The following PCDHGA2 variants were observed in gnomAD, a reference collection of about 807,000 sequenced individuals.
The protein encoded by PCDHGA2 is protocadherin gamma-A2.
A neutral mutation model predicts 59.2 loss-of-function variants in PCDHGA2; 40 were observed. The observed-to-expected ratio is 0.68, with a 90% CI of 0.52 to 0.88. The LOEUF (loss-of-function observed/expected upper bound fraction) is 0.88. PCDHGA2 is among the 40% of genes least tolerant of loss of function. The pLI, the probability that PCDHGA2 is intolerant of heterozygous loss-of-function variation, is 0.00. For synonymous variants in PCDHGA2, 560 were observed against 526.0 expected (o/e 1.06, Z -0.89); for missense variants, 1,226 against 1,204.0 (o/e 1.02, Z -0.27).
chr5:141,506,165 C>T (rs1359711670), intron 3 of PCDHGA2, among the ~76,000 whole-genome samples: 8 of 152,038 alleles, frequency 5.3e-5, no homozygotes, highest in South Asian at 2.1e-4. Context: ...AAGAGCACAG[C>T]CTAAGCTGGG....
At chr5:141,387,533 C>A (rs2090979640) in intron 1 of PCDHGA2, among the ~76,000 whole-genome samples, 1 of 152,192 alleles carries the variant, frequency 6.6e-6, no homozygotes, top group African/African-American at 2.4e-5. Flanking sequence ...GACGTATCCA[C>A]GTAGTTTTTG....
chr5:141,474,597 T>C (rs1454833258), intron 1 of PCDHGA2, among the ~76,000 whole-genome samples: 2 of 152,248 alleles, frequency 1.3e-5, no homozygotes, highest in Non-Finnish European at 2.9e-5. Flanking sequence ...CATGGAAATA[T>C]AGGTCACATA....
intron 1 of PCDHGA2, chr5:141,398,353 A>G: frequency 2.9e-6 from 4 of 1,397,978 alleles, no homozygotes; most frequent in Non-Finnish European, 4.0e-6. Flanking sequence ...GCCTTACTTC[A>G]CCGTGAGCGC....
In PCDHGA2 at chr5:141,481,399, T is replaced by G. The variant is rs35677249; in HGVS notation, c.2425-13408T>G. 1.9e-3 allele frequency among the ~76,000 whole-genome samples: 284 copies of G among 152,356 alleles called. 1 individual carries two copies. Among genetic ancestry groups the G allele is most frequent in the Middle Eastern group, 0.01 (3 of 294 alleles). ...TTCTTTTTGGAGGGATGTGACAAAA[T>G]TCTTGTATAATTAGATTGTGATGAT... is the stretch of plus-strand genomic sequence containing the variant. On this transcript the variant is annotated intron_variant, in intron 1 of 3. Transcript: ENST00000394576.
chr5:141,510,323 C>A (rs1173679711), intron 3 of PCDHGA2, among the ~76,000 whole-genome samples: 1 of 151,234 alleles, frequency 6.6e-6, no homozygotes, highest in East Asian at 2.0e-4. Flanking sequence ...TGGAAGAGCA[C>A]TCTTCACCCC....
intron 2 of PCDHGA2, among the ~76,000 whole-genome samples, chr5:141,496,557 C>T (rs190275684): frequency 2.0e-5 from 3 of 152,258 alleles, no homozygotes; most frequent in Admixed American, 1.3e-4. Flanking sequence ...TGGGCATGCA[C>T]AGTCCTGTCA....
At chr5:141,484,176 A>G (rs1044076131) in intron 1 of PCDHGA2, among the ~76,000 whole-genome samples, 1 of 152,236 alleles carries the variant, frequency 6.6e-6, no homozygotes, top group East Asian at 1.9e-4. Context: ...GCTGATCTCA[A>G]TCATTCAAGG....
chr5:141,440,393 G>A (rs1444541990), intron 1 of PCDHGA2: 1 of 152,180 alleles, frequency 6.6e-6, no homozygotes, highest in Admixed American at 6.5e-5. Flanking sequence ...TTGAACCCGA[G>A]AGGCAATCGC....
At chr5:141,425,110 C>T (rs1335909720) in intron 1 of PCDHGA2, among the ~76,000 whole-genome samples, 1 of 152,166 alleles carries the variant, frequency 6.6e-6, no homozygotes, top group East Asian at 1.9e-4. Context: ...CAGATGCCTA[C>T]ATTTTTCTTG....
intron 1 of PCDHGA2, chr5:141,414,350 C>T (rs1450829111): frequency 1.9e-6 from 3 of 1,613,726 alleles, no homozygotes; most frequent in Admixed American, 1.7e-5. Flanking sequence ...TCCATTTTGG[C>T]GTATCTACCA....
intron 1 of PCDHGA2, chr5:141,379,314 G>T (rs557036464): frequency 6.6e-6 from 1 of 152,242 alleles, no homozygotes; most frequent in South Asian, 2.1e-4. Context: ...CTAAACAAGA[G>T]ATCTAATCAT....
intron 1 of PCDHGA2, among the ~76,000 whole-genome samples, chr5:141,442,700 TA>T (rs2098337605): frequency 6.6e-6 from 1 of 152,198 alleles, no homozygotes; most frequent in Non-Finnish European, 1.5e-5. Flanking sequence ...CAGACAAGAG[TA>T]TCAGACATGC....
At chr5:141,478,788 T>A (rs576491824) in intron 1 of PCDHGA2, 147 of 1,473,736 alleles carry the variant, frequency 1.0e-4, no homozygotes, top group Non-Finnish European at 1.3e-4. Context: ...CTAATTCACA[T>A]CCTCAGCACT....
chr5:141,432,093 C>A lies in PCDHGA2; in HGVS notation c.2425-62714C>A. The A allele has an allele frequency of 1.2e-6, 2 of 1,614,170 alleles. No homozygotes were observed. Among genetic ancestry groups the A allele is most frequent in the Non-Finnish European group, 1.7e-6 (2 of 1,180,046 alleles). On this transcript the variant is annotated intron_variant, in intron 1 of 3. Coordinates refer to ENST00000394576, the MANE Select transcript of PCDHGA2 (RefSeq NM_018915.4). The surrounding 1 kb of genome is among the most constrained non-coding windows in gnomAD (Gnocchi z 6.0). ...CATATCTCGCTGAACGTGGCAGACA[C>A]CAACGACAACCCGCCGGTCTTCCCT...
chr5:141,484,869 G>C (rs2154580238), intron 1 of PCDHGA2: 1 of 292,558 alleles, frequency 3.4e-6, no homozygotes, highest in African/African-American at 2.2e-5. Flanking sequence ...GGGGGAGCGT[G>C]GAGGATAGGG....
chr5:141,375,868 C>G (rs1259625295), intron 1 of PCDHGA2: 1 of 1,613,938 alleles, frequency 6.2e-7, no homozygotes. Flanking sequence ...TGGCGGTGGA[C>G]AGAGACTCGG....
intron 1 of PCDHGA2, chr5:141,351,894 G>A (rs146243220): frequency 6.2e-7 from 1 of 1,613,426 alleles, no homozygotes; most frequent in Non-Finnish European, 8.5e-7. Flanking sequence ...GTGAGCCTGC[G>A]CGTGTTGGTG....
At chr5:141,364,722 C>T in intron 1 of PCDHGA2, 1 of 1,613,884 alleles carries the variant, frequency 6.2e-7, no homozygotes, top group Non-Finnish European at 8.5e-7. Context: ...GATAACTTCC[C>T]GCGTTTCCGG....
At chr5:141,385,566 C>T in intron 1 of PCDHGA2, 1 of 1,303,468 alleles carries the variant, frequency 7.7e-7, no homozygotes, top group Non-Finnish European at 9.7e-7. Context: ...TAATTTCCAC[C>T]TACTTTCCAA....
Sources: allele counts gnomAD v4.1 joint callset (sites outside exome capture counted in the v4.1 genomes callset), GRCh38; gene constraint gnomAD v4.1.1; non-coding constraint Gnocchi (gnomAD v3.1); transcripts MANE v1.5; gene names NCBI Gene and HGNC (gene_info 2026-07-23, HGNC 2026-07-21).